The following AHR variants were observed in gnomAD, a reference collection of about 807,000 sequenced individuals.
The protein encoded by AHR is AH-receptor.
Under a neutral mutation model 86.8 loss-of-function variants are expected in AHR, and 40 were observed. The ratio of observed to expected loss-of-function variants is 0.46; its 90% CI spans 0.36 to 0.60. The LOEUF is 0.60. Ranked by LOEUF, AHR falls within the 20% of genes least tolerant of loss-of-function variation. The pLI is 0.00. For synonymous variants in AHR, 398 were observed against 354.9 expected (o/e 1.12, Z -1.37); for missense variants, 1,001 against 1,011.6 (o/e 0.99, Z 0.14).
At chr7:17,312,341 G>T (rs958488719) in intron 2 of AHR, among the ~76,000 whole-genome samples, 1 of 151,954 alleles carries the variant, frequency 6.6e-6, no homozygotes, top group Non-Finnish European at 1.5e-5. Context: ...TTGTAATGGG[G>T]AATCAAATTA....
chr7:17,330,188 G>A, intron 5 of AHR, 113 bp downstream of exon 5: 2 of 1,059,880 alleles, frequency 1.9e-6, no homozygotes, highest in Non-Finnish European at 2.7e-6. Flanking sequence ...GTAGTGGAAA[G>A]ATGTAAAGTC....
chr7:17,345,602 CAT>C lies in AHR; in HGVS notation c.*2539_*2540del, dbSNP rs1350276612. The C allele has an allele frequency of 1.3e-5, 2 of 152,724 alleles. No homozygotes were observed. The highest frequency in any genetic ancestry group is 6.5e-5 in the Admixed American group (1 of 15,290). The allele number at this position is 152,724 out of a possible 1,614,324, so 9.5% of individuals were successfully genotyped here. ...AAACCATTTTTGTTACTCTCTTCCACATGTTACTGGATAAATTGTTTAGTGGA... is the reference window on the plus strand; with the variant it reads ...AAACCATTTTTGTTACTCTCTTCCACGTTACTGGATAAATTGTTTAGTGGA... On this transcript the variant is annotated 3_prime_UTR_variant, in exon 11 of 11. Coordinates refer to ENST00000242057, the MANE Select transcript of AHR (RefSeq NM_001621.5).
intron 9 of AHR, among the ~76,000 whole-genome samples, chr7:17,337,143 G>T (rs1404961578): frequency 6.6e-6 from 1 of 152,002 alleles, no homozygotes; most frequent in East Asian, 1.9e-4. Flanking sequence ...GGTGTTTGGG[G>T]ATTTTTCTAG....
chr7:17,308,985 T>G (rs906452699), intron 1 of AHR, among the ~76,000 whole-genome samples: 11 of 152,206 alleles, frequency 7.2e-5, no homozygotes, highest in Non-Finnish European at 1.5e-4. Flanking sequence ...CAGGAAGGTA[T>G]AGAGGTATAA....
At chr7:17,306,446 G>T (rs935739891) in intron 1 of AHR, among the ~76,000 whole-genome samples, 1 of 151,958 alleles carries the variant, frequency 6.6e-6, no homozygotes, top group African/African-American at 2.4e-5. Flanking sequence ...AAGTTCTGAG[G>T]GTACTTCTTA....
chr7:17,337,006 T>C (rs1445099421), intron 9 of AHR, among the ~76,000 whole-genome samples: 1 of 152,182 alleles, frequency 6.6e-6, no homozygotes, highest in Non-Finnish European at 1.5e-5. Context: ...TCAGTTTCCC[T>C]TTAAGTACAG....
chr7:17,302,135 T>G (rs1319279154), intron 1 of AHR, among the ~76,000 whole-genome samples: 1 of 151,974 alleles, frequency 6.6e-6, no homozygotes, highest in Non-Finnish European at 1.5e-5. Context: ...AAAGAAAAAG[T>G]TGTAATGGAT....
At chr7:17,309,897 T>G (rs2115352942) in intron 1 of AHR, 39 bp from the exon 2 acceptor site, 1 of 1,470,670 alleles carries the variant, frequency 6.8e-7, no homozygotes, top group East Asian at 2.4e-5. Flanking sequence ...GCTTTATATT[T>G]TTTAAAGGAT....
chr7:17,330,957 A>G, intron 6 of AHR, 71 bp downstream of exon 6: 2 of 1,518,810 alleles, frequency 1.3e-6, no homozygotes, highest in Non-Finnish European at 1.8e-6. Context: ...AATTTAATTT[A>G]GCAAAATATA....
In AHR at chr7:17,340,154, G is replaced by A. The variant is rs778197511; in HGVS notation, c.2329G>A (p.Glu777Lys). ...CGTGTCGATGTATCAGTGCCAGCCA[G>A]AACCTCAGCACACCCACGTGGGTCA... ...GAVSMYQCQP[E>K]PQHTHVGQMQ... Residue 777 changes from glutamate (E) to lysine (K), a missense_variant, in exon 10 of 11, where the codon GAA becomes AAA. By Grantham distance (56) the Glu-to-Lys change is moderately conservative. This residue lies in a region of AHR where 607 missense variants were observed against 543.1 expected (regional missense o/e 1.12). Transcript: ENST00000242057. 6.2e-6 allele frequency: 10 copies of A among 1,614,078 alleles called. No homozygotes were observed. The South Asian group carries it at 1.1e-4, about 18-fold the overall frequency.
At chr7:17,335,619 A>T in intron 8 of AHR, 26 bp from the exon 9 acceptor site, 2 of 1,527,278 alleles carry the variant, frequency 1.3e-6, no homozygotes, top group Non-Finnish European at 1.8e-6. Context: ...GGGGTTTGAT[A>T]ATTTAATTTT....
chr7:17,318,249 T>G (rs1476080), intron 2 of AHR, among the ~76,000 whole-genome samples: 88,348 of 151,722 alleles, frequency 0.58, 26,373 homozygotes, highest in Non-Finnish European at 0.63. Flanking sequence ...TCAAAGCATG[T>G]GATATGAAGA....
At chr7:17,329,020 T>C (rs1782257487) in intron 4 of AHR, among the ~76,000 whole-genome samples, 1 of 151,940 alleles carries the variant, frequency 6.6e-6, no homozygotes, top group Non-Finnish European at 1.5e-5. Flanking sequence ...GGATTTGATA[T>C]TGTGATTTAT....
At chr7:17,323,081 A>G (rs1227155912) in intron 3 of AHR, among the ~76,000 whole-genome samples, 1 of 152,104 alleles carries the variant, frequency 6.6e-6, no homozygotes, top group Non-Finnish European at 1.5e-5. Flanking sequence ...ATTTCTTTGA[A>G]TGTGTCCCTG....
chr7:17,339,112 A>G lies in AHR; in HGVS notation c.1287A>G (p.Leu429=), dbSNP rs1782388009. Residue 429 remains leucine, a synonymous_variant, in exon 10 of 11, where the codon CTA becomes CTG. Transcript: ENST00000242057. ...CTGCCATAATGGATCCCTTACCACT[A>G]AGGACTAAAAATGGCACTAGTGGAA... ...PFPAIMDPLP[L]RTKNGTSGKD... 3.7e-6 allele frequency: 6 copies of G among 1,614,120 alleles called. No individual in the cohort carries two copies. The highest frequency in any genetic ancestry group is 5.1e-6 in the Non-Finnish European group (6 of 1,180,016).
intron 2 of AHR, among the ~76,000 whole-genome samples, chr7:17,316,134 G>T (rs2115356127): frequency 6.6e-6 from 1 of 152,308 alleles, no homozygotes; most frequent in African/African-American, 2.4e-5. Context: ...TGGAGAGCCA[G>T]AGAGAAAACT....
chr7:17,338,135 C>A (rs1033277989), intron 9 of AHR, among the ~76,000 whole-genome samples: 3 of 149,096 alleles, frequency 2.0e-5, no homozygotes, highest in African/African-American at 4.9e-5. Flanking sequence ...GGAGGCGGAG[C>A]TTGCAGTGAG....
rs766536392 is a variant in AHR at position 17,310,171 on chromosome 7, T to G, written c.253+48T>G. On this transcript the variant is annotated intron_variant, in intron 2 of 10. Coordinates refer to ENST00000242057, the MANE Select transcript of AHR (RefSeq NM_001621.5). ...GTCTACAATAACGTATAAAAAATAC[T>G]TGTACTAGATATAGCTGTTTCTGTG... 11 of 1,513,714 alleles carry G rather than the reference T, an allele frequency of 7.3e-6. No individual in the cohort carries two copies. In the East Asian group the frequency reaches 2.5e-4, roughly 34 times the overall value. 93.8% of individuals were successfully genotyped at this position (1,513,714 alleles called of 1,614,324 possible).
At chr7:17,327,230 G>T (rs2115362238) in intron 3 of AHR, among the ~76,000 whole-genome samples, 1 of 152,048 alleles carries the variant, frequency 6.6e-6, no homozygotes, top group South Asian at 2.1e-4. Flanking sequence ...TGCTTTACAT[G>T]TGTATTATAG....
Sources: allele counts gnomAD v4.1 joint callset (sites outside exome capture counted in the v4.1 genomes callset), GRCh38; gene constraint gnomAD v4.1.1; regional missense constraint gnomAD v4.1.1; transcripts MANE v1.5; gene names NCBI Gene and HGNC (gene_info 2026-07-23, HGNC 2026-07-21).